The following CLIP4 variants were observed in gnomAD, a reference collection of about 807,000 sequenced individuals.
CLIP4 encodes CAP-Gly domain containing linker protein family member 4.
A neutral mutation model predicts 73.1 loss-of-function variants in CLIP4; 47 were observed. That is an observed-to-expected ratio of 0.64 (90% CI 0.51 to 0.82). The LOEUF is 0.82. CLIP4 is among the 40% of genes least tolerant of loss of function. The pLI, the probability that CLIP4 is intolerant of heterozygous loss-of-function variation, is 0.00. For missense variants in CLIP4, 874 were observed against 852.9 expected (o/e 1.02, Z -0.31); for synonymous variants, 306 against 295.4 (o/e 1.04, Z -0.37).
intron 1 of CLIP4, among the ~76,000 whole-genome samples, chr2:29,117,777 A>T (rs1035490258): frequency 6.6e-6 from 1 of 152,216 alleles, no homozygotes; most frequent in Admixed American, 6.5e-5. Flanking sequence ...TGGTCATAGC[A>T]CTTACTACTT....
chr2:29,144,509 A>G (rs150305932), intron 7 of CLIP4, among the ~76,000 whole-genome samples: 11 of 151,990 alleles, frequency 7.2e-5, no homozygotes, highest in Admixed American at 2.6e-4. Flanking sequence ...AAAATATCTC[A>G]TATGGGAGGT....
chr2:29,111,048 C>G (rs1373823637), upstream of CLIP4, among the ~76,000 whole-genome samples: 1 of 152,174 alleles, frequency 6.6e-6, no homozygotes, highest in Admixed American at 6.5e-5. Context: ...TTCCTGGAAA[C>G]TGCATGAACA....
chr2:29,156,948 A>G (rs1013980331), intron 10 of CLIP4, among the ~76,000 whole-genome samples: 2 of 152,196 alleles, frequency 1.3e-5, no homozygotes, highest in African/African-American at 4.8e-5. Flanking sequence ...GTTCACATCA[A>G]TTGATGTGGT....
intron 1 of CLIP4, among the ~76,000 whole-genome samples, chr2:29,120,130 C>G (rs879469864): frequency 2.0e-5 from 3 of 152,104 alleles, no homozygotes; most frequent in Non-Finnish European, 4.4e-5. Context: ...AGGTTAATGT[C>G]AAAATGCTTC....
At chr2:29,107,279 G>A (rs1023559730) in intron 1 of CLIP4, among the ~76,000 whole-genome samples, 4 of 149,694 alleles carry the variant, frequency 2.7e-5, no homozygotes, top group Non-Finnish European at 5.9e-5. Flanking sequence ...ATATGTAAAC[G>A]CCTCAGATTT....
At chr2:29,102,660 C>T (rs377344855) in intron 1 of CLIP4, among the ~76,000 whole-genome samples, 8 of 151,914 alleles carry the variant, frequency 5.3e-5, no homozygotes, top group African/African-American at 1.9e-4. Context: ...GAGTCTCACT[C>T]TGTCACCCAG....
upstream of CLIP4, among the ~76,000 whole-genome samples, chr2:29,111,872 T>A (rs952526882): frequency 2.0e-5 from 3 of 152,242 alleles, no homozygotes; most frequent in Admixed American, 2.0e-4. Context: ...ACCCACATTA[T>A]AGAGATAGTC....
intron 1 of CLIP4, chr2:29,118,183 G>T (rs1381846461): frequency 6.6e-6 from 1 of 152,150 alleles, no homozygotes; most frequent in Non-Finnish European, 1.5e-5. Flanking sequence ...CCTATTAGTT[G>T]AATAACTCAA....
rs35201336 is a variant in CLIP4, at chr2:29,168,512, C to CTT, written c.1723+1000_1723+1001dup. 1.2e-3 allele frequency among the ~76,000 whole-genome samples: 77 copies of CTT among 66,780 alleles called. 15 individuals are homozygous for CTT. The highest frequency in any genetic ancestry group is 3.4e-3 in the East Asian group (10 of 2,978). 43.8% of individuals were successfully genotyped at this position (66,780 alleles called of 152,430 possible). A position where few individuals can be genotyped will look rare whatever the true frequency, so the allele number is the denominator to read the frequency against. ...ATAGCAAAACAGGTTATGGTTTGCCCTTTTTTTTTTTTTTTTTTTTTTTTT... is the reference window on the plus strand; with the variant it reads ...ATAGCAAAACAGGTTATGGTTTGCCCTTTTTTTTTTTTTTTTTTTTTTTTTTT... On this transcript the variant is annotated intron_variant, in intron 14 of 15. Coordinates refer to ENST00000320081, the MANE Select transcript of CLIP4 (RefSeq NM_024692.6).
intron 14 of CLIP4, among the ~76,000 whole-genome samples, chr2:29,173,231 A>G (rs1191429878): frequency 6.6e-6 from 1 of 152,210 alleles, no homozygotes; most frequent in Non-Finnish European, 1.5e-5. Flanking sequence ...ATATTTTTGT[A>G]TTACAAGATA....
chr2:29,117,643 T>G (rs1041560459), intron 1 of CLIP4, among the ~76,000 whole-genome samples: 2 of 152,220 alleles, frequency 1.3e-5, no homozygotes, highest in Non-Finnish European at 2.9e-5. Context: ...ATTTTTAAAT[T>G]AATTTAAATA....
chr2:29,167,078 C>A (rs1475431636), intron 13 of CLIP4, among the ~76,000 whole-genome samples: 4 of 152,206 alleles, frequency 2.6e-5, no homozygotes, highest in Non-Finnish European at 5.9e-5. Flanking sequence ...ATCACTCACA[C>A]AAACTCAGCC....
chr2:29,180,510 G>A (rs1182223477), intron 15 of CLIP4, among the ~76,000 whole-genome samples: 3 of 152,160 alleles, frequency 2.0e-5, no homozygotes, highest in African/African-American at 4.8e-5. Context: ...AGTGTTAGTG[G>A]CTGGGAGGGT....
intron 1 of CLIP4, among the ~76,000 whole-genome samples, chr2:29,104,632 C>T (rs1668148372): frequency 6.6e-6 from 1 of 152,136 alleles, no homozygotes; most frequent in South Asian, 2.1e-4. Flanking sequence ...GTGTGGAGCT[C>T]ATGCTTGGGA....
chr2:29,140,152 A>C (rs866127503), intron 6 of CLIP4, among the ~76,000 whole-genome samples: 3 of 152,036 alleles, frequency 2.0e-5, no homozygotes, highest in Non-Finnish European at 4.4e-5. Flanking sequence ...ATATGTATAC[A>C]TGTGCCATGA....
upstream of CLIP4, among the ~76,000 whole-genome samples, chr2:29,110,988 T>C (rs115080787): frequency 0.023 from 3,560 of 152,278 alleles, 117 homozygotes; most frequent in East Asian, 0.091. Context: ...GCCTGGTCAA[T>C]ATTTAAAGCC....
chr2:29,168,039 G>A (rs908860566), intron 14 of CLIP4, among the ~76,000 whole-genome samples: 9 of 152,106 alleles, frequency 5.9e-5, no homozygotes, highest in South Asian at 2.1e-4. Flanking sequence ...GGATACCTGC[G>A]TCCTCCACCT....
intron 6 of CLIP4, 93 bp downstream of exon 6, chr2:29,135,759 A>G (rs530262758): frequency 1.2e-6 from 1 of 803,450 alleles, no homozygotes; most frequent in African/African-American, 1.8e-5. Context: ...TTAATAGAAG[A>G]ACTCTTACAT....
upstream of CLIP4, among the ~76,000 whole-genome samples, chr2:29,111,582 T>C (rs75404556): frequency 0.023 from 3,561 of 152,372 alleles, 116 homozygotes; most frequent in East Asian, 0.091. Flanking sequence ...CTGTGAATTG[T>C]CTATTCTTAT....
Sources: gnomAD v4.1 joint callset for allele counts (sites outside exome capture counted in the v4.1 genomes callset) on GRCh38, gnomAD v4.1.1 for gene constraint, MANE v1.5 for transcripts, NCBI Gene and HGNC (gene_info 2026-07-23, HGNC 2026-07-21) for gene names.